UBR1: variants seen among roughly 807,000 people sequenced by gnomAD.
UBR1 encodes the protein E3 ubiquitin-protein ligase UBR1.
In UBR1, 102 loss-of-function variants were observed where a neutral mutation model predicts 242.1. The observed-to-expected ratio is 0.42, with a 90% CI of 0.36 to 0.50. UBR1 has a LOEUF of 0.50. Ranked by LOEUF, UBR1 falls within the 20% of genes least tolerant of loss-of-function variation. The probability of loss-of-function intolerance (pLI) is 0.01; values close to 1 mark genes in which losing one functional copy is unlikely to be tolerated. For missense variants in UBR1, 1,772 were observed against 2,101.8 expected, an observed-to-expected ratio of 0.84 and a Z score of 3.07; for synonymous variants, 675 against 684.8, an observed-to-expected ratio of 0.99 and a Z score of 0.22.
At chr15:43,065,806 T>C (rs902085021) in intron 6 of UBR1, among the ~76,000 whole-genome samples, 1 of 152,188 alleles carries the variant, frequency 6.6e-6, no homozygotes, top group Non-Finnish European at 1.5e-5. Context: ...TTGCCTACTT[T>C]TTGGTGAGGT....
chr15:43,061,822 G>A (rs1211988242), intron 6 of UBR1, among the ~76,000 whole-genome samples: 1 of 151,370 alleles, frequency 6.6e-6, no homozygotes, highest in East Asian at 1.9e-4. Context: ...GGGTGGGTGG[G>A]GGAAGAGGGA....
intron 44 of UBR1, among the ~76,000 whole-genome samples, chr15:42,956,013 G>A (rs2031913640): frequency 6.6e-6 from 1 of 152,092 alleles, no homozygotes; most frequent in Non-Finnish European, 1.5e-5. Context: ...TCAGTGAAAG[G>A]GGTGAAAGAG....
intron 45 of UBR1, 137 bp from the exon 46 acceptor site, chr15:42,950,500 A>C: frequency 1.4e-6 from 1 of 704,256 alleles, no homozygotes; most frequent in Non-Finnish European, 2.5e-6. Flanking sequence ...AAACAGACAA[A>C]TAGACTAAAT....
chr15:43,069,627 G>T (rs1414153708), intron 5 of UBR1, among the ~76,000 whole-genome samples: 1 of 152,072 alleles, frequency 6.6e-6, no homozygotes, highest in African/African-American at 2.4e-5. Flanking sequence ...ACGCTCAATT[G>T]ATCCTCAAAA....
intron 1 of UBR1, among the ~76,000 whole-genome samples, chr15:43,095,879 G>A (rs561596769): frequency 1.3e-4 from 20 of 152,284 alleles, no homozygotes; most frequent in African/African-American, 4.3e-4. Context: ...GAGACATTTC[G>A]GGTTCAGTTT....
chr15:43,100,496 T>C (rs1479849710), intron 1 of UBR1, among the ~76,000 whole-genome samples: 1 of 152,216 alleles, frequency 6.6e-6, no homozygotes, highest in Non-Finnish European at 1.5e-5. Context: ...CAGTTATTCA[T>C]TCATTTAAAA....
chr15:42,953,342 T>C (rs193202984), intron 44 of UBR1, among the ~76,000 whole-genome samples: 26 of 152,288 alleles, frequency 1.7e-4, no homozygotes, highest in Admixed American at 6.5e-4. Context: ...AGAAGATAAA[T>C]GCAACCGAAG....
chr15:43,086,209 G>A lies in UBR1; in HGVS notation c.113C>T (p.Ala38Val), dbSNP rs1028277827. ...CAATTGTGCCAAATGATGCAAGAAA[G>A]CAGTATAAAAATCAACTTGCTGATC... ...WWDQQVDFYT[A>V]FLHHLAQLVP... is the part of the protein sequence containing the mutation. Residue 38 changes from alanine to valine, a missense_variant, in exon 2 of 47, where the codon GCT (alanine) becomes GTT (valine). Coordinates refer to ENST00000290650, the MANE Select transcript of UBR1 (RefSeq NM_174916.3). 1.9e-6 allele frequency: 3 copies of A among 1,613,920 alleles called. No homozygotes were observed. In the African/African-American group the frequency reaches 4.0e-5, roughly 22 times the overall value.
At chr15:43,104,593 T>A (rs2034274402) in intron 1 of UBR1, among the ~76,000 whole-genome samples, 1 of 152,084 alleles carries the variant, frequency 6.6e-6, no homozygotes, top group African/African-American at 2.4e-5. Flanking sequence ...CCTACCTTGT[T>A]CCTACCTCCT....
At chr15:43,048,186 C>T (rs1178117425) in intron 13 of UBR1, among the ~76,000 whole-genome samples, 1 of 138,220 alleles carries the variant, frequency 7.2e-6, no homozygotes, top group Non-Finnish European at 1.5e-5. Context: ...ACTCTGTCTT[C>T]GAAAAAAAAA....
At chr15:43,015,566 C>A in intron 29 of UBR1, 122 bp downstream of exon 29, 1 of 1,090,274 alleles carries the variant, frequency 9.2e-7, no homozygotes. Flanking sequence ...TGTTTATCTG[C>A]TGACCTTCCC....
chr15:43,089,438 TA>T (rs566651840), intron 1 of UBR1, among the ~76,000 whole-genome samples: 449 of 152,164 alleles, frequency 3.0e-3, no homozygotes, highest in African/African-American at 0.01. Flanking sequence ...GAGCTTGCAG[TA>T]AGCTGAGATT....
intron 1 of UBR1, among the ~76,000 whole-genome samples, chr15:43,091,600 A>C (rs1320363922): frequency 6.6e-6 from 1 of 152,148 alleles, no homozygotes; most frequent in Non-Finnish European, 1.5e-5. Flanking sequence ...AAATATTCTT[A>C]AATTATATCT....
At chr15:43,067,557 C>T (rs1037971829) in intron 6 of UBR1, among the ~76,000 whole-genome samples, 4 of 152,050 alleles carry the variant, frequency 2.6e-5, no homozygotes, top group Non-Finnish European at 5.9e-5. Context: ...CATGTTAAGA[C>T]CTCAGAAATT....
intron 44 of UBR1, among the ~76,000 whole-genome samples, chr15:42,956,069 T>TG (rs1181236273): frequency 6.6e-6 from 1 of 152,000 alleles, no homozygotes; most frequent in South Asian, 2.1e-4. Flanking sequence ...TTGATTGAGG[T>TG]GGGGGGATGG....
intron 20 of UBR1, among the ~76,000 whole-genome samples, chr15:43,032,209 CTT>C (rs1378383306): frequency 6.6e-6 from 1 of 151,956 alleles, no homozygotes; most frequent in Non-Finnish European, 1.5e-5. Context: ...AATGTCATAA[CTT>C]GATAAACATT....
At chr15:43,032,773 C>T in intron 19 of UBR1, 142 bp from the exon 20 acceptor site, 2 of 550,970 alleles carry the variant, frequency 3.6e-6, no homozygotes, top group African/African-American at 1.9e-5. Context: ...GTGCACAGCA[C>T]AAATAGTTAC....
At chr15:42,957,392 G>A (rs373574252) in intron 44 of UBR1, among the ~76,000 whole-genome samples, 3 of 152,164 alleles carry the variant, frequency 2.0e-5, no homozygotes, top group African/African-American at 7.2e-5. Context: ...GAAGTGATTA[G>A]TGAGTACAAG....
At chr15:43,061,816 G>A (rs1454315349) in intron 6 of UBR1, among the ~76,000 whole-genome samples, 1 of 151,558 alleles carries the variant, frequency 6.6e-6, no homozygotes, top group Non-Finnish European at 1.5e-5. Flanking sequence ...AGGGAAGGGT[G>A]GGTGGGGGAA....
Sources: allele counts gnomAD v4.1 joint callset (sites outside exome capture counted in the v4.1 genomes callset), GRCh38; gene constraint gnomAD v4.1.1; transcripts MANE v1.5; gene names NCBI Gene and HGNC (gene_info 2026-07-23, HGNC 2026-07-21).